Variants in SYNCRIP observed in about 807,000 individuals in gnomAD.
SYNCRIP encodes synaptotagmin binding cytoplasmic RNA interacting protein, also known as heterogeneous nuclear ribonucleoprotein Q.
A neutral mutation model predicts 68.9 loss-of-function variants in SYNCRIP; 9 were observed. The ratio of observed to expected loss-of-function variants is 0.13; its 90% CI spans 0.08 to 0.23. SYNCRIP has a LOEUF of 0.23. Ranked by LOEUF, SYNCRIP falls within the 10% of genes least tolerant of loss-of-function variation. The pLI is 1.00. For synonymous variants in SYNCRIP, 258 were observed against 254.0 expected, an observed-to-expected ratio of 1.02 and a Z score of -0.15; for missense variants, 414 against 770.6, an observed-to-expected ratio of 0.54 and a Z score of 5.48.
intron 6 of SYNCRIP, among the ~76,000 whole-genome samples, chr6:85,632,915 A>G (rs1219519624): frequency 6.6e-6 from 1 of 152,138 alleles, no homozygotes; most frequent in African/African-American, 2.4e-5. Flanking sequence ...AGCAAGGGCA[A>G]CAGAGTGACA....
chr6:85,639,135 G>A (rs775750570), intron 4 of SYNCRIP, among the ~76,000 whole-genome samples: 20 of 152,120 alleles, frequency 1.3e-4, no homozygotes, highest in Non-Finnish European at 2.2e-4. Flanking sequence ...TCGAACCCGC[G>A]AGGTGGAGGT....
At chr6:85,637,708 T>C (rs1027988458) in intron 4 of SYNCRIP, among the ~76,000 whole-genome samples, 1 of 152,204 alleles carries the variant, frequency 6.6e-6, no homozygotes, top group African/African-American at 2.4e-5. Flanking sequence ...CCTAATTTGG[T>C]TGAGCATCTT....
chr6:85,631,160 T>C (rs947721027), intron 6 of SYNCRIP, among the ~76,000 whole-genome samples: 1 of 152,076 alleles, frequency 6.6e-6, no homozygotes, highest in African/African-American at 2.4e-5. Flanking sequence ...CTGGCCAACA[T>C]GGCAAAACGC....
intron 6 of SYNCRIP, among the ~76,000 whole-genome samples, chr6:85,624,565 T>TA (rs1165714218): frequency 6.6e-6 from 1 of 152,190 alleles, no homozygotes; most frequent in Non-Finnish European, 1.5e-5. Context: ...TATTTAAGCC[T>TA]AAAAAAACAG....
At chr6:85,640,084 TA>T (rs938162906) in intron 4 of SYNCRIP, 136 bp downstream of exon 4, 9 of 652,540 alleles carry the variant, frequency 1.4e-5, no homozygotes, top group East Asian at 2.7e-5. Flanking sequence ...TAAAAAAACT[TA>T]AAAAAAGGAA....
At chr6:85,636,017 C>A (rs1409594349) in intron 6 of SYNCRIP, among the ~76,000 whole-genome samples, 1 of 152,128 alleles carries the variant, frequency 6.6e-6, no homozygotes, top group Admixed American at 6.5e-5. Flanking sequence ...TCTCCCCAGT[C>A]GTGTTGCTTG....
At chr6:85,629,540 A>AG (rs1554186362) in intron 6 of SYNCRIP, among the ~76,000 whole-genome samples, 5 of 148,924 alleles carry the variant, frequency 3.4e-5, no homozygotes, top group East Asian at 2.0e-4. Flanking sequence ...AAAAAAAAAA[A>AG]GGGCCGGGTG....
chr6:85,624,148 A>G, intron 6 of SYNCRIP, 36 bp from the exon 7 acceptor site: 1 of 1,582,240 alleles, frequency 6.3e-7, no homozygotes, highest in South Asian at 1.1e-5. Context: ...TTTTTAAATT[A>G]CTTATACAAC....
intron 8 of SYNCRIP, 102 bp downstream of exon 8, chr6:85,622,380 A>G (rs901598681): frequency 8.7e-7 from 1 of 1,150,980 alleles, no homozygotes; most frequent in South Asian, 1.5e-5. Context: ...TGTCTCAAAA[A>G]ATAAAAAAAT....
Position 85,623,257 on chromosome 6 carries a change from T to G in SYNCRIP, c.803-570A>C, listed in dbSNP as rs1327188373. Among the ~76,000 whole-genome samples, 70 of 152,004 alleles carry G rather than the reference T, an allele frequency of 4.6e-4. 1 individual carries two copies. The highest frequency in any genetic ancestry group is 4.6e-3 in the Admixed American group (70 of 15,262). ...AGTTCAAAAAATTTTTTTACCATGT[T>G]GACAATATATAAACTCTGTTTATGG... On this transcript the variant is annotated intron_variant, in intron 7 of 10. Transcript: ENST00000369622.
chr6:85,614,423 A>G lies in SYNCRIP; in HGVS notation c.*333T>C. 5 of 1,024,580 alleles carry G rather than the reference A, an allele frequency of 4.9e-6. No homozygotes were observed. Among genetic ancestry groups the G allele is most frequent in the Non-Finnish European group, 5.8e-6 (5 of 856,312 alleles). 63.5% of individuals were successfully genotyped at this position (1,024,580 alleles called of 1,614,324 possible). A position where few individuals can be genotyped will look rare whatever the true frequency, so the allele number is the denominator to read the frequency against. On this transcript the variant is annotated 3_prime_UTR_variant, in exon 11 of 11. Transcript: ENST00000369622. The stretch of plus-strand genomic sequence containing the variant: ...AAGACACACTTGGTTTTAATCAACT[A>G]CCTTTGAAGACACCAAATCTAAACA...
rs1421221093 is a variant in SYNCRIP at position 85,618,999 on chromosome 6, A to G, written c.1159-60T>C. Reference sequence around the variant, plus strand: ...ACTTTCATACAATTATGATTCATTTAAAGTTGGAATATCATTTATCATTAA... The same window carrying G: ...ACTTTCATACAATTATGATTCATTTGAAGTTGGAATATCATTTATCATTAA... On this transcript the variant is annotated intron_variant, in intron 9 of 10. Transcript: ENST00000369622. 12 of 1,513,366 alleles carry G rather than the reference A, an allele frequency of 7.9e-6. 1 individual carries two copies. The Admixed American group carries it at 1.9e-4, about 24-fold the overall frequency. 93.7% of individuals were successfully genotyped at this position (1,513,366 alleles called of 1,614,324 possible).
downstream of SYNCRIP, chr6:85,608,002 A>G (rs1434077169): frequency 6.6e-6 from 1 of 152,152 alleles, no homozygotes; most frequent in African/African-American, 2.4e-5. Flanking sequence ...GGTATAAGCT[A>G]AAACCCACAA....
intron 8 of SYNCRIP, among the ~76,000 whole-genome samples, chr6:85,620,413 A>C (rs1053686754): frequency 6.6e-6 from 1 of 152,216 alleles, no homozygotes; most frequent in African/African-American, 2.4e-5. Context: ...TAAGAGAAAG[A>C]AGCCAATGTG....
downstream of SYNCRIP, chr6:85,612,887 G>C (rs779954150): frequency 1.3e-6 from 2 of 1,550,692 alleles, no homozygotes; most frequent in Non-Finnish European, 1.7e-6. Flanking sequence ...AGTCTTCATT[G>C]TAACAGGTCA....
chr6:85,609,641 T>C (rs1488255913), downstream of SYNCRIP: 2 of 151,930 alleles, frequency 1.3e-5, no homozygotes, highest in Non-Finnish European at 2.9e-5. Flanking sequence ...CTTGGGAGAA[T>C]ATATCTAACA....
At chr6:85,634,660 G>A (rs569689305) in intron 6 of SYNCRIP, among the ~76,000 whole-genome samples, 1 of 152,172 alleles carries the variant, frequency 6.6e-6, no homozygotes, top group Non-Finnish European at 1.5e-5. Context: ...ACCCACAGTA[G>A]AGAGAGCCCA....
At position 85,614,013 on chromosome 6, in the gene SYNCRIP, A is replaced by G; in HGVS notation, c.*743T>C. 2.0e-6 allele frequency: 2 copies of G among 985,350 alleles called. No homozygotes were observed. The highest frequency in any genetic ancestry group is 2.4e-6 in the Non-Finnish European group (2 of 829,666). 61.0% of individuals were successfully genotyped at this position (985,350 alleles called of 1,614,324 possible). A position where few individuals can be genotyped will look rare whatever the true frequency, so the allele number is the denominator to read the frequency against. ...TTATCTTTTTATTTTTGATGGGAAC[A>G]TGAAGTCTGTTGTAAAATAGCACTT... On this transcript the variant is annotated 3_prime_UTR_variant, in exon 11 of 11. Transcript: ENST00000369622.
In SYNCRIP at chr6:85,625,506, A is replaced by T. The variant is rs1301450675; in HGVS notation, c.667-1394T>A. ...GGGTTCAAGCAATTCTCCTCCCTCT[A>T]CCTCCCGAGTAGCTGTGATTACAGG... is the stretch of plus-strand genomic sequence containing the variant. On this transcript the variant is annotated intron_variant, in intron 6 of 10. Coordinates refer to ENST00000369622, the MANE Select transcript of SYNCRIP (RefSeq NM_006372.5). Among the ~76,000 whole-genome samples the T allele has an allele frequency of 8.0e-5, 12 of 149,718 alleles. No individual in the cohort carries two copies. In the East Asian group the frequency reaches 2.4e-3, roughly 30 times the overall value.
Sources: gnomAD v4.1 joint callset for allele counts (sites outside exome capture counted in the v4.1 genomes callset) on GRCh38, gnomAD v4.1.1 for gene constraint, MANE v1.5 for transcripts, NCBI Gene and HGNC (gene_info 2026-07-23, HGNC 2026-07-21) for gene names.